CALN1: variants seen among roughly 807,000 people sequenced by gnomAD.
CALN1 encodes the protein calneuron 1.
A neutral mutation model predicts 30.6 loss-of-function variants in CALN1; 17 were observed. The ratio of observed to expected loss-of-function variants is 0.56; its 90% confidence interval spans 0.38 to 0.83. The LOEUF is 0.83. Among genes scored for constraint, CALN1 ranks in the 40% least tolerant of loss-of-function variants. The probability of loss-of-function intolerance (pLI) is 0.00; values close to 1 mark genes in which losing one functional copy is unlikely to be tolerated. For missense variants in CALN1, 291 were observed against 354.9 expected, an observed-to-expected ratio of 0.82 and a Z score of 1.45; for synonymous variants, 156 against 131.4, an observed-to-expected ratio of 1.19 and a Z score of -1.28.
chr7:72,319,525 G>T (rs1475818663), intron 2 of CALN1, among the ~76,000 whole-genome samples: 7 of 152,296 alleles, frequency 4.6e-5, no homozygotes, highest in Non-Finnish European at 1.0e-4. Context: ...AGATTTGGGT[G>T]GGGACACAGC....
chr7:72,395,376 C>CACAT (rs759811191), intron 2 of CALN1, among the ~76,000 whole-genome samples: 2 of 151,890 alleles, frequency 1.3e-5, no homozygotes, highest in Non-Finnish European at 2.9e-5. Flanking sequence ...CACACACACA[C>CACAT]ATATCCAGGG....
upstream of CALN1, among the ~76,000 whole-genome samples, chr7:72,447,776 T>TAC (rs551868570): frequency 6.6e-5 from 10 of 151,326 alleles, no homozygotes; most frequent in Non-Finnish European, 1.3e-4. Flanking sequence ...CCTGCCCATG[T>TAC]ACACACACAT....
chr7:71,946,367 CTTTTTTTTTT>C (rs34207419), intron 5 of CALN1, among the ~76,000 whole-genome samples: 1 of 128,682 alleles, frequency 7.8e-6, no homozygotes, highest in Non-Finnish European at 1.6e-5. Context: ...TTCTTTCTTT[CTTTTTTTTTT>C]TTTTTTTTGA....
chr7:72,219,764 G>C (rs1272233424), intron 3 of CALN1, among the ~76,000 whole-genome samples: 2 of 152,004 alleles, frequency 1.3e-5, no homozygotes, highest in Admixed American at 6.6e-5. Context: ...AGAGGCAGCA[G>C]AATAGGAAAC....
At chr7:72,471,155 T>A in the CALN1 span, among the ~76,000 whole-genome samples, 1 of 152,198 alleles carries the variant, frequency 6.6e-6, no homozygotes, top group Non-Finnish European at 1.5e-5. Context: ...GGTCTTGCTA[T>A]CTTACCCAGG....
intron 5 of CALN1, among the ~76,000 whole-genome samples, chr7:71,997,070 C>T (rs1387796651): frequency 6.6e-6 from 1 of 151,836 alleles, no homozygotes; most frequent in East Asian, 1.9e-4. Flanking sequence ...TCTACAAAAA[C>T]AAATTTAAAT....
At chr7:72,374,622 C>G (rs577186453) in intron 2 of CALN1, among the ~76,000 whole-genome samples, 12 of 150,844 alleles carry the variant, frequency 8.0e-5, no homozygotes, top group African/African-American at 2.4e-4. Flanking sequence ...GACATCTGCA[C>G]CAAACTTCAA....
At chr7:72,181,034 G>A (rs1461257307) in intron 3 of CALN1, among the ~76,000 whole-genome samples, 7 of 146,080 alleles carry the variant, frequency 4.8e-5, no homozygotes, top group Non-Finnish European at 1.0e-4. Context: ...GGAGGCGGAA[G>A]TTGCAGTGAG....
intron 3 of CALN1, among the ~76,000 whole-genome samples, chr7:72,116,449 C>T (rs1303793121): frequency 5.9e-5 from 9 of 152,092 alleles, no homozygotes; most frequent in Non-Finnish European, 1.5e-5. Flanking sequence ...AGGAAGTATA[C>T]AGGGAGGTGA....
At chr7:71,808,130 T>C (rs1787728251) in intron 6 of CALN1, among the ~76,000 whole-genome samples, 1 of 152,048 alleles carries the variant, frequency 6.6e-6, no homozygotes, top group Non-Finnish European at 1.5e-5. Context: ...GGTTAGGTAA[T>C]GGTTAGGTAC....
chr7:71,928,909 A>G (rs1045119045), intron 5 of CALN1, among the ~76,000 whole-genome samples: 1 of 151,678 alleles, frequency 6.6e-6, no homozygotes, highest in Non-Finnish European at 1.5e-5. Context: ...CTTGATTTTC[A>G]CCTACCCCCC....
chr7:72,468,584 T>C, the CALN1 span, among the ~76,000 whole-genome samples: 654 of 152,214 alleles, frequency 4.3e-3, 4 homozygotes, highest in African/African-American at 0.015. Flanking sequence ...AAAGTGCTGG[T>C]ATTAAAGGCA....
intron 3 of CALN1, among the ~76,000 whole-genome samples, chr7:72,241,209 T>C (rs1794805098): frequency 6.6e-6 from 1 of 152,218 alleles, no homozygotes; most frequent in African/African-American, 2.4e-5. Flanking sequence ...AATGAAAGTA[T>C]TCACCATTCA....
At chr7:71,899,816 G>A (rs1257658986) in intron 5 of CALN1, among the ~76,000 whole-genome samples, 3 of 152,102 alleles carry the variant, frequency 2.0e-5, no homozygotes, top group Non-Finnish European at 4.4e-5. Flanking sequence ...ATGTCCGTAC[G>A]TATATTAGGC....
intron 4 of CALN1, among the ~76,000 whole-genome samples, chr7:72,049,345 G>A (rs757058897): frequency 7.2e-5 from 11 of 152,138 alleles, no homozygotes; most frequent in Non-Finnish European, 1.6e-4. Context: ...AATACTAGAA[G>A]GTATAGTAAT....
At chr7:72,273,975 A>G (rs1041325338) in intron 3 of CALN1, among the ~76,000 whole-genome samples, 2 of 152,226 alleles carry the variant, frequency 1.3e-5, no homozygotes, top group Non-Finnish European at 2.9e-5. Flanking sequence ...GACGTAGAGA[A>G]AAAGACTTTT....
chr7:72,116,278 T>C (rs1470708155), intron 3 of CALN1, among the ~76,000 whole-genome samples: 1 of 152,188 alleles, frequency 6.6e-6, no homozygotes, highest in Non-Finnish European at 1.5e-5. Context: ...TGGAATCTTA[T>C]TTCACAAAGC....
intron 3 of CALN1, among the ~76,000 whole-genome samples, chr7:72,269,155 G>A (rs1166388438): frequency 6.6e-6 from 1 of 152,160 alleles, no homozygotes; most frequent in Non-Finnish European, 1.5e-5. Context: ...CCATGTGTGG[G>A]TTCCCCATGA....
rs1241206117 is a variant in CALN1 at position 71,781,994 on chromosome 7, GAA to G, written c.*5779_*5780del. ...ATTGTCATGTCTCTCGAGACCCTATGAAGAGTCCCAAATGAATATGAAGGAGA... is the reference window on the plus strand; with the variant it reads ...ATTGTCATGTCTCTCGAGACCCTATGGAGTCCCAAATGAATATGAAGGAGA... On this transcript the variant is annotated 3_prime_UTR_variant, in exon 7 of 7. Coordinates refer to ENST00000395275, the MANE Select transcript of CALN1 (RefSeq NM_031468.4). 6.6e-6 allele frequency: 1 copy of G among 152,212 alleles called. No homozygotes were observed. Among genetic ancestry groups the G allele is most frequent in the Non-Finnish European group, 1.5e-5 (1 of 68,040 alleles). 9.4% of individuals were successfully genotyped at this position (152,212 alleles called of 1,614,324 possible). A position where few individuals can be genotyped will look rare whatever the true frequency, so the allele number is the denominator to read the frequency against.
Sources: allele counts gnomAD v4.1 joint callset (sites outside exome capture counted in the v4.1 genomes callset), GRCh38; gene constraint gnomAD v4.1.1; transcripts MANE v1.5; gene names NCBI Gene and HGNC (gene_info 2026-07-23, HGNC 2026-07-21).